The following ANKRD30BL variants were observed in gnomAD, a reference collection of about 807,000 sequenced individuals.
ANKRD30BL encodes putative ankyrin repeat domain-containing protein 30B-like.
In ANKRD30BL, 20 loss-of-function variants were observed where a neutral mutation model predicts 18.4. That is an observed-to-expected ratio of 1.09 (90% CI 0.77 to 1.58). The LOEUF (loss-of-function observed/expected upper bound fraction) is 1.58. Ranked by LOEUF, ANKRD30BL falls within the 40% of genes most tolerant of loss-of-function variation. The pLI is 0.00. For synonymous variants in ANKRD30BL, 72 were observed against 100.9 expected (o/e 0.71, Z 1.72); for missense variants, 224 against 268.6 (o/e 0.83, Z 1.16).
upstream of ANKRD30BL, among the ~76,000 whole-genome samples, chr2:132,164,085 G>T (rs866578029): frequency 6.6e-6 from 1 of 151,940 alleles, no homozygotes; most frequent in Admixed American, 6.6e-5. Context: ...GAGAAACCAG[G>T]CTCCTGTCAT....
chr2:132,197,548 C>G (rs370053704), intron 1 of ANKRD30BL, among the ~76,000 whole-genome samples: 1 of 151,452 alleles, frequency 6.6e-6, no homozygotes, highest in Non-Finnish European at 1.5e-5. Flanking sequence ...GAATGATTAA[C>G]TCATTTATCT....
intron 1 of ANKRD30BL, among the ~76,000 whole-genome samples, chr2:132,210,921 T>A (rs996966527): frequency 6.6e-6 from 1 of 152,216 alleles, no homozygotes; most frequent in Non-Finnish European, 1.5e-5. Context: ...GAGAAACTTC[T>A]TTGTGATGTG....
chr2:132,242,688 G>C (rs557002333), intron 1 of ANKRD30BL, among the ~76,000 whole-genome samples: 2,616 of 150,972 alleles, frequency 0.017, 44 homozygotes, highest in Middle Eastern at 0.031. Context: ...TAGGTTTCTG[G>C]TTTTGTTGGA....
intron 1 of ANKRD30BL, among the ~76,000 whole-genome samples, chr2:132,185,314 A>G (rs898045521): frequency 6.6e-6 from 1 of 152,180 alleles, no homozygotes; most frequent in African/African-American, 2.4e-5. Flanking sequence ...TCACCACCAG[A>G]GAGAAGAAGG....
chr2:132,220,699 G>A (rs1179428939), intron 1 of ANKRD30BL, among the ~76,000 whole-genome samples: 2 of 152,244 alleles, frequency 1.3e-5, no homozygotes, highest in East Asian at 3.9e-4. Flanking sequence ...GCAGTGGCGT[G>A]ATCTCGGCTC....
At chr2:132,177,669 T>C (rs1688388389) in intron 1 of ANKRD30BL, among the ~76,000 whole-genome samples, 1 of 152,194 alleles carries the variant, frequency 6.6e-6, no homozygotes, top group South Asian at 2.1e-4. Context: ...CAGTAAGGAA[T>C]TGTTGAAAGA....
chr2:132,190,596 A>G lies in ANKRD30BL; in HGVS notation n.442-33450T>C, dbSNP rs573964324. Among the ~76,000 whole-genome samples, 475 of 152,202 alleles carry G rather than the reference A, an allele frequency of 3.1e-3. 1 individual carries two copies. Among genetic ancestry groups the G allele is most frequent in the African/African-American group, 0.011 (462 of 41,546 alleles). On this transcript the variant is annotated intron_variant and non_coding_transcript_variant, in intron 1 of 4. Coordinates refer to the ANKRD30BL transcript ENST00000470729. ...TGGAAAAGTATACAAATTGTGTAAT[A>G]TAGGTATACATTATAGACTATACAT...
At chr2:132,225,328 T>C (rs1679814703) in intron 1 of ANKRD30BL, among the ~76,000 whole-genome samples, 1 of 152,008 alleles carries the variant, frequency 6.6e-6, no homozygotes, top group Non-Finnish European at 1.5e-5. Flanking sequence ...TATCTTCCCA[T>C]AAAAACTAGA....
rs537209188 is a variant in ANKRD30BL at position 132,245,455 on chromosome 2, C to G, written n.441+12074G>C. ...AAAAGGAAATATCTTCACAGAAAAA[C>G]TAGACAGAAGCATTCTCAGAAACTG... On this transcript the variant is annotated intron_variant and non_coding_transcript_variant, in intron 1 of 4. Coordinates refer to the ANKRD30BL transcript ENST00000470729. Among the ~76,000 whole-genome samples, 8 of 1,252 alleles carry G rather than the reference C, an allele frequency of 6.4e-3. No homozygotes were observed. In the South Asian group the frequency reaches 0.22, roughly 35 times the overall value. The allele number at this position is 1,252 out of a possible 152,430, so 0.8% of individuals were successfully genotyped here.
At chr2:132,220,669 A>T (rs1679649639) in intron 1 of ANKRD30BL, among the ~76,000 whole-genome samples, 1 of 151,928 alleles carries the variant, frequency 6.6e-6, no homozygotes, top group South Asian at 2.1e-4. Context: ...CTCAGTGCTC[A>T]ATGGGGCCAA....
chr2:132,237,001 C>G (rs927791638), intron 1 of ANKRD30BL, among the ~76,000 whole-genome samples: 1 of 151,690 alleles, frequency 6.6e-6, no homozygotes, highest in Admixed American at 6.6e-5. Flanking sequence ...TGGAAATCAT[C>G]ATTCTCAGTA....
intron 5 of ANKRD30BL, among the ~76,000 whole-genome samples, chr2:132,148,451 C>A (rs1170117676): frequency 6.9e-6 from 1 of 144,734 alleles, no homozygotes. Flanking sequence ...ATCACTGCAA[C>A]CTCCGCCTCC....
At chr2:132,210,906 A>G (rs1222904235) in intron 1 of ANKRD30BL, among the ~76,000 whole-genome samples, 1 of 152,238 alleles carries the variant, frequency 6.6e-6, no homozygotes, top group East Asian at 1.9e-4. Flanking sequence ...ACACAGAAGC[A>G]TTCTGAGAAA....
intron 1 of ANKRD30BL, among the ~76,000 whole-genome samples, chr2:132,186,416 A>C (rs1326631643): frequency 6.6e-6 from 1 of 152,210 alleles, no homozygotes; most frequent in East Asian, 1.9e-4. Context: ...ACTATATTCT[A>C]ATAATTGTCA....
At chr2:132,164,279 T>TC (rs201446396), upstream of ANKRD30BL, among the ~76,000 whole-genome samples, 775 of 146,132 alleles carry the variant, frequency 5.3e-3, 6 homozygotes, top group African/African-American at 0.018. Context: ...CTTTTTTTTT[T>TC]TTTTTTTTTT....
intron 1 of ANKRD30BL, among the ~76,000 whole-genome samples, chr2:132,240,403 A>T (rs565131540): frequency 1.3e-5 from 2 of 152,030 alleles, no homozygotes; most frequent in South Asian, 4.1e-4. Flanking sequence ...GTTACTTTTC[A>T]TAGAGCAGTT....
intron 1 of ANKRD30BL, among the ~76,000 whole-genome samples, chr2:132,190,967 C>A (rs1284426515): frequency 6.6e-5 from 10 of 151,950 alleles, no homozygotes; most frequent in African/African-American, 2.4e-4. Flanking sequence ...TTTTAAAAGT[C>A]AACTTAACTG....
chr2:132,189,043 T>C (rs1245079488), intron 1 of ANKRD30BL, among the ~76,000 whole-genome samples: 1 of 152,108 alleles, frequency 6.6e-6, no homozygotes, highest in Admixed American at 6.6e-5. Context: ...TTATACCAAT[T>C]TGATTTACAA....
intron 1 of ANKRD30BL, among the ~76,000 whole-genome samples, chr2:132,242,315 T>A (rs566875179): frequency 1.8e-3 from 267 of 151,940 alleles, no homozygotes; most frequent in African/African-American, 6.2e-3. Context: ...TTTTTTAGAA[T>A]CTGCAAGTGG....
Sources: allele counts gnomAD v4.1 joint callset (sites outside exome capture counted in the v4.1 genomes callset), GRCh38; gene constraint gnomAD v4.1.1; transcripts MANE v1.5; gene names NCBI Gene and HGNC (gene_info 2026-07-23, HGNC 2026-07-21).